Variants in TEX2 observed in about 807,000 individuals in gnomAD.
TEX2 encodes the protein testis-expressed protein 2.
In TEX2, 53 loss-of-function variants were observed where a neutral mutation model predicts 106.9. The observed-to-expected ratio is 0.50, with a 90% CI of 0.40 to 0.62. TEX2 has a LOEUF of 0.62. Ranked by LOEUF, TEX2 falls within the 20% of genes least tolerant of loss-of-function variation. The pLI is 0.00. For missense variants in TEX2, 1,207 were observed against 1,379.0 expected, an observed-to-expected ratio of 0.88 and a Z score of 1.98; for synonymous variants, 523 against 534.8, an observed-to-expected ratio of 0.98 and a Z score of 0.30.
Position 64,148,722 on chromosome 17 carries a change from C to T in TEX2, c.*247G>A, listed in dbSNP as rs2030187908. ...TGTGGGTCACGTATAACTTCTGGAT[C>T]CACCATGATTCTTCCATGGTCTCCT... On this transcript the variant is annotated 3_prime_UTR_variant, in exon 12 of 12. Coordinates refer to ENST00000584379, the MANE Select transcript of TEX2 (RefSeq NM_001288732.2). The T allele has an allele frequency of 2.2e-6, 1 of 464,496 alleles. No homozygotes were observed. The highest frequency in any genetic ancestry group is 3.8e-5 in the Admixed American group (1 of 26,066). 28.8% of individuals were successfully genotyped at this position (464,496 alleles called of 1,614,324 possible).
intron 1 of TEX2, among the ~76,000 whole-genome samples, chr17:64,251,370 A>T (rs2034087751): frequency 6.6e-6 from 1 of 152,202 alleles, no homozygotes; most frequent in Non-Finnish European, 1.5e-5. Context: ...CTTTTCTCTA[A>T]TTACTATACA....
In TEX2 at chr17:64,153,852, A is replaced by T. The variant is rs1226231231; in HGVS notation, c.2931-698T>A. On this transcript the variant is annotated intron_variant, in intron 9 of 11. Coordinates refer to ENST00000584379, the MANE Select transcript of TEX2 (RefSeq NM_001288732.2). This position sits in a 1 kb window ranked among gnomAD's most constrained non-coding sequence, Gnocchi z 4.1. ...GAGGCTAAAATGGGAGGATCACTTGAGCCCAGGAGGTTGAGGCTGCATTGA... is the reference window on the plus strand; with the variant it reads ...GAGGCTAAAATGGGAGGATCACTTGTGCCCAGGAGGTTGAGGCTGCATTGA... 6.6e-6 allele frequency among the ~76,000 whole-genome samples: 1 copy of T among 152,214 alleles called. No homozygotes were observed. The highest frequency in any genetic ancestry group is 1.5e-5 in the Non-Finnish European group (1 of 68,030).
At chr17:64,197,198 A>G (rs931789404) in intron 2 of TEX2, among the ~76,000 whole-genome samples, 21 of 151,806 alleles carry the variant, frequency 1.4e-4, no homozygotes, top group African/African-American at 5.1e-4. Context: ...AGAATTAATA[A>G]TATTTCTTCC....
At chr17:64,222,276 T>C (rs554199508) in intron 1 of TEX2, among the ~76,000 whole-genome samples, 1 of 152,166 alleles carries the variant, frequency 6.6e-6, no homozygotes, top group South Asian at 2.1e-4. Flanking sequence ...ATCTCAGCAC[T>C]TTGGGAGGCT....
chr17:64,181,498 A>G (rs1236876490), intron 5 of TEX2, among the ~76,000 whole-genome samples: 1 of 145,376 alleles, frequency 6.9e-6, no homozygotes, highest in Non-Finnish European at 1.5e-5. Flanking sequence ...AAAAAAAAAA[A>G]GCAAAATTAG....
intron 5 of TEX2, among the ~76,000 whole-genome samples, chr17:64,178,082 A>G (rs2031687668): frequency 6.6e-6 from 1 of 152,214 alleles, no homozygotes; most frequent in South Asian, 2.1e-4. Context: ...GATTAGAGAG[A>G]GCTGCTCTCA....
chr17:64,164,930 T>C (rs146222335), intron 7 of TEX2, among the ~76,000 whole-genome samples: 1 of 152,346 alleles, frequency 6.6e-6, no homozygotes, highest in African/African-American at 2.4e-5. Context: ...CACTGTTTTA[T>C]TACTATTTAG....
At chr17:64,200,056 A>G (rs150373550) in intron 2 of TEX2, among the ~76,000 whole-genome samples, 4 of 152,368 alleles carry the variant, frequency 2.6e-5, no homozygotes, top group African/African-American at 9.6e-5. Context: ...GAAATTCAAA[A>G]TCCCTTTTAA....
Position 64,244,979 on chromosome 17 carries a change from T to C in TEX2, c.-26+18189A>G, listed in dbSNP as rs986439209. On this transcript the variant is annotated intron_variant, in intron 1 of 11. Transcript: ENST00000584379. ...ACTCTACCCCATTACCAATATTCTT[T>C]CATACATATGGCAATTTTGGGCCTT... 4.6e-5 allele frequency among the ~76,000 whole-genome samples: 7 copies of C among 152,252 alleles called. No homozygotes were observed. In the South Asian group the frequency reaches 1.5e-3, roughly 32 times the overall value.
chr17:64,217,271 C>T lies in TEX2; in HGVS notation c.-25-3029G>A, dbSNP rs1555632763. Among the ~76,000 whole-genome samples the T allele has an allele frequency of 6.6e-6, 1 of 152,150 alleles. No individual in the cohort carries two copies. Among genetic ancestry groups the T allele is most frequent in the Non-Finnish European group, 1.5e-5 (1 of 68,022 alleles). On this transcript the variant is annotated intron_variant, in intron 1 of 11. Transcript: ENST00000584379. This position sits in a 1 kb window ranked among gnomAD's most constrained non-coding sequence, Gnocchi z 4.3. ...ACTTCAAGTTCCCTCTTCTCTCTGT[C>T]CTCCCAGTGGCTGGCTGCTAAGGCC...
At chr17:64,169,560 T>G (rs1374624512) in intron 7 of TEX2, among the ~76,000 whole-genome samples, 3 of 152,212 alleles carry the variant, frequency 2.0e-5, no homozygotes, top group African/African-American at 7.2e-5. Context: ...ACCCTGGTCT[T>G]TCTTTCTCTG....
intron 2 of TEX2, among the ~76,000 whole-genome samples, chr17:64,209,165 T>C (rs1412639729): frequency 6.6e-6 from 1 of 152,190 alleles, no homozygotes; most frequent in Non-Finnish European, 1.5e-5. Flanking sequence ...ACAGTAAACT[T>C]GGGTCCTAAA....
intron 1 of TEX2, among the ~76,000 whole-genome samples, chr17:64,262,194 G>A (rs2034299539): frequency 6.6e-6 from 1 of 152,194 alleles, no homozygotes; most frequent in Admixed American, 6.5e-5. Flanking sequence ...CTGCCCTCAA[G>A]GAGCCCACAA....
chr17:64,261,607 A>C (rs2034288268), intron 1 of TEX2, among the ~76,000 whole-genome samples: 1 of 151,500 alleles, frequency 6.6e-6, no homozygotes, highest in South Asian at 2.1e-4. Flanking sequence ...TCAATTTGTT[A>C]ATCTCCTTCC....
At chr17:64,196,292 T>C (rs2032463844) in intron 2 of TEX2, among the ~76,000 whole-genome samples, 1 of 152,232 alleles carries the variant, frequency 6.6e-6, no homozygotes, top group East Asian at 1.9e-4. Context: ...TAGGTCTTCA[T>C]TCCCGTATCC....
At chr17:64,187,699 G>A (rs558604256) in intron 5 of TEX2, among the ~76,000 whole-genome samples, 8 of 152,002 alleles carry the variant, frequency 5.3e-5, no homozygotes, top group East Asian at 3.9e-4. Context: ...GCTGTTCCTC[G>A]AATATTCCAA....
At chr17:64,255,872 C>G (rs1394851409) in intron 1 of TEX2, 3 of 152,228 alleles carry the variant, frequency 2.0e-5, no homozygotes, top group Non-Finnish European at 4.4e-5. Context: ...CCAGTAGTCT[C>G]TGTCTCCTCT....
chr17:64,157,003 G>A (rs1056718151), intron 8 of TEX2, among the ~76,000 whole-genome samples: 1 of 152,236 alleles, frequency 6.6e-6, no homozygotes, highest in Non-Finnish European at 1.5e-5. Context: ...TTTAGGTAAT[G>A]CTGTACCAGT....
intron 1 of TEX2, among the ~76,000 whole-genome samples, chr17:64,226,479 G>A (rs1177859729): frequency 6.6e-6 from 1 of 152,136 alleles, no homozygotes; most frequent in Non-Finnish European, 1.5e-5. Context: ...TAAGAAAAAT[G>A]CATTCCACCT....
Sources: allele counts gnomAD v4.1 joint callset (sites outside exome capture counted in the v4.1 genomes callset), GRCh38; gene constraint gnomAD v4.1.1; non-coding constraint Gnocchi (gnomAD v3.1); transcripts MANE v1.5; gene names NCBI Gene and HGNC (gene_info 2026-07-23, HGNC 2026-07-21).